The following ZNF345 variants were observed in gnomAD, a reference collection of about 807,000 sequenced individuals.
ZNF345 encodes zinc finger protein HZF10.
For synonymous variants in ZNF345, 166 were observed against 187.9 expected (o/e 0.88, Z 0.95); for missense variants, 527 against 589.9 (o/e 0.89, Z 1.10).
intron 3 of ZNF345, chr19:36,892,317 A>C: frequency 1.2e-6 from 2 of 1,613,846 alleles, no homozygotes; most frequent in East Asian, 4.5e-5. Flanking sequence ...CACATATCTT[A>C]CATTCCCATG....
At chr19:36,865,742 A>T (rs535540330) in intron 2 of ZNF345, among the ~76,000 whole-genome samples, 10 of 152,336 alleles carry the variant, frequency 6.6e-5, no homozygotes, top group East Asian at 3.9e-4. Context: ...TAGTACTTAC[A>T]TGTTTTATTT....
chr19:36,865,786 G>C (rs1009005626), intron 2 of ZNF345, among the ~76,000 whole-genome samples: 1 of 152,082 alleles, frequency 6.6e-6, no homozygotes, highest in Non-Finnish European at 1.5e-5. Context: ...CATATTTGAC[G>C]TGTCCCTTCC....
At chr19:36,867,033 G>T (rs560491190) in intron 2 of ZNF345, among the ~76,000 whole-genome samples, 4 of 152,288 alleles carry the variant, frequency 2.6e-5, no homozygotes, top group African/African-American at 9.6e-5. Flanking sequence ...GAGTGGAATT[G>T]CTGGGTAATA....
At chr19:36,853,920 C>A (rs1438428163) in intron 2 of ZNF345, among the ~76,000 whole-genome samples, 1 of 152,136 alleles carries the variant, frequency 6.6e-6, no homozygotes, top group Non-Finnish European at 1.5e-5. Context: ...CTTGGTTCCA[C>A]CCAAACATCT....
At chr19:36,857,550 C>A (rs1246083622) in intron 2 of ZNF345, among the ~76,000 whole-genome samples, 1 of 152,036 alleles carries the variant, frequency 6.6e-6, no homozygotes, top group East Asian at 1.9e-4. Context: ...CCCAGGTGAT[C>A]CACCCGCCTC....
intron 3 of ZNF345, chr19:36,888,319 A>G (rs2073016682): frequency 7.0e-6 from 1 of 142,210 alleles, no homozygotes; most frequent in South Asian, 2.1e-4. Flanking sequence ...CCCAACACAT[A>G]CAGTGTTATT....
chr19:36,857,971 G>T (rs1260133656), intron 2 of ZNF345, among the ~76,000 whole-genome samples: 1 of 151,780 alleles, frequency 6.6e-6, no homozygotes, highest in Non-Finnish European at 1.5e-5. Flanking sequence ...GTGGAGATGG[G>T]GTTTCACCAT....
intron 3 of ZNF345, chr19:36,890,428 A>G (rs1424152806): frequency 6.6e-6 from 1 of 152,116 alleles, no homozygotes; most frequent in Non-Finnish European, 1.5e-5. Flanking sequence ...TATCTGTGTT[A>G]TGGATCTGGG....
intron 2 of ZNF345, among the ~76,000 whole-genome samples, chr19:36,855,299 C>G (rs1476851411): frequency 6.6e-6 from 1 of 150,460 alleles, no homozygotes; most frequent in Non-Finnish European, 1.5e-5. Flanking sequence ...CCCGCCACCA[C>G]GCCCAGCTAA....
chr19:36,852,124 C>CTTT (rs2072284039), intron 2 of ZNF345, among the ~76,000 whole-genome samples: 1 of 107,680 alleles, frequency 9.3e-6, no homozygotes, highest in Non-Finnish European at 1.8e-5. Flanking sequence ...TTTTTTCTTT[C>CTTT]TTTCTTTTTT....
intron 2 of ZNF345, among the ~76,000 whole-genome samples, chr19:36,866,226 CA>C (rs2072657207): frequency 6.6e-6 from 1 of 152,016 alleles, no homozygotes; most frequent in Non-Finnish European, 1.5e-5. Context: ...CTTTTCCCCT[CA>C]AAGTTTGAGG....
chr19:36,859,784 G>A (rs2072505099), intron 2 of ZNF345, among the ~76,000 whole-genome samples: 1 of 151,958 alleles, frequency 6.6e-6, no homozygotes, highest in Admixed American at 6.6e-5. Flanking sequence ...GTATTCCTGT[G>A]TACCACTCAG....
chr19:36,854,941 C>T (rs1241539101), intron 2 of ZNF345, among the ~76,000 whole-genome samples: 1 of 151,224 alleles, frequency 6.6e-6, no homozygotes, highest in Non-Finnish European at 1.5e-5. Flanking sequence ...GTAAGCTCCA[C>T]CTCCTGGGTT....
rs181850010 is a variant in ZNF345, at chr19:36,878,587, A to G, written c.*290A>G. 27 of 240,686 alleles carry G rather than the reference A, an allele frequency of 1.1e-4. No individual in the cohort carries two copies. The East Asian group carries it at 2.4e-3, about 22-fold the overall frequency. The allele number at this position is 240,686 out of a possible 1,614,324, so 14.9% of individuals were successfully genotyped here. A position where few individuals can be genotyped will look rare whatever the true frequency, so the allele number is the denominator to read the frequency against. On this transcript the variant is annotated 3_prime_UTR_variant, in exon 3 of 3. Transcript: ENST00000420450. ...CTCAACTTTAAACATTGGAAAACTC[A>G]TTTCTGGGTTAATCCTACTATATTT...
chr19:36,888,834 ACTATCTCAGCTCACTG>A (rs2073022955), intron 3 of ZNF345: 1 of 152,222 alleles, frequency 6.6e-6, no homozygotes, highest in South Asian at 2.1e-4. Context: ...GTGCAATGGC[ACTATCTCAGCTCACTG>A]CAACCTCCGC....
intron 3 of ZNF345, among the ~76,000 whole-genome samples, chr19:36,886,851 G>A (rs1414186927): frequency 2.0e-5 from 3 of 151,824 alleles, no homozygotes; most frequent in African/African-American, 4.8e-5. Context: ...AAAATTAGCC[G>A]GGCGTGGTGG....
intron 2 of ZNF345, among the ~76,000 whole-genome samples, chr19:36,870,722 C>T (rs569524545): frequency 3.9e-5 from 6 of 152,020 alleles, no homozygotes; most frequent in African/African-American, 1.4e-4. Context: ...TGGTTTATAC[C>T]CTGTCTTTGC....
intron 2 of ZNF345, among the ~76,000 whole-genome samples, chr19:36,861,516 G>A (rs1465107629): frequency 6.6e-6 from 1 of 152,166 alleles, no homozygotes; most frequent in Non-Finnish European, 1.5e-5. Flanking sequence ...AGAATACTAA[G>A]TAGGGTTCAG....
chr19:36,859,462 GTTTTAT>G (rs1050653307), intron 2 of ZNF345, among the ~76,000 whole-genome samples: 34 of 150,658 alleles, frequency 2.3e-4, no homozygotes, highest in African/African-American at 8.3e-4. Flanking sequence ...AGACTTTTAT[GTTTTAT>G]TTTTATCTTC....
Sources: allele counts gnomAD v4.1 joint callset (sites outside exome capture counted in the v4.1 genomes callset), GRCh38; gene constraint gnomAD v4.1.1; transcripts MANE v1.5; gene names NCBI Gene and HGNC (gene_info 2026-07-23, HGNC 2026-07-21).